SPEG: variants seen among roughly 807,000 people sequenced by gnomAD.
The protein encoded by SPEG is striated muscle preferentially expressed protein kinase.
SPEG carries 114 observed loss-of-function variants against 300.4 expected under a neutral mutation model. That is an observed-to-expected ratio of 0.38 (90% CI 0.33 to 0.44). SPEG has a LOEUF of 0.44. Among genes scored for constraint, SPEG ranks in the 20% least tolerant of loss-of-function variants. The pLI, the probability that SPEG is intolerant of heterozygous loss-of-function variation, is 1.00. For synonymous variants in SPEG, 1,964 were observed against 2,018.9 expected, an observed-to-expected ratio of 0.97 and a Z score of 0.73; for missense variants, 4,201 against 4,586.2, an observed-to-expected ratio of 0.92 and a Z score of 2.43.
At chr2:219,449,377 G>T in intron 4 of SPEG, 106 bp downstream of exon 4, 1 of 907,614 alleles carries the variant, frequency 1.1e-6, no homozygotes, top group Non-Finnish European at 1.5e-6. Flanking sequence ...GTTTCGCCTG[G>T]GGCTGCTAGC....
In SPEG at chr2:219,489,323, C is replaced by T. The variant is rs1188643723; in HGVS notation, c.8318-13C>T. The T allele has an allele frequency of 1.2e-6, 2 of 1,613,462 alleles. No individual in the cohort carries two copies. The highest frequency in any genetic ancestry group is 1.7e-6 in the Non-Finnish European group (2 of 1,179,794). ...CCCAAGGCACCACGGTGATGATTTT[C>T]TCTCTCTCTTAGATTCTTCAGCTGT... On this transcript the variant is annotated splice_polypyrimidine_tract_variant and intron_variant, in intron 35 of 40. Coordinates refer to ENST00000312358, the MANE Select transcript of SPEG (RefSeq NM_005876.5).
chr2:219,486,413 C>G (rs565862103), intron 31 of SPEG, among the ~76,000 whole-genome samples: 1 of 152,110 alleles, frequency 6.6e-6, no homozygotes, highest in South Asian at 2.1e-4. Context: ...GAGTGGCTGT[C>G]GAGTCTTGCC....
rs1691054472 is a variant in SPEG, at chr2:219,464,388, A to G, written c.2706-45A>G. On this transcript the variant is annotated intron_variant, in intron 8 of 40. Coordinates refer to ENST00000312358, the MANE Select transcript of SPEG (RefSeq NM_005876.5). The surrounding 1 kb of genome is among the most constrained non-coding windows in gnomAD (Gnocchi z 4.5). ...GCAGCCCCAGTTCCTGTGCACGCAC[A>G]TCAGGCCCCTGGGCCCTGGGACTGA... 6.4e-7 allele frequency: 1 copy of G among 1,573,482 alleles called. No homozygotes were observed. The highest frequency in any genetic ancestry group is 8.6e-7 in the Non-Finnish European group (1 of 1,162,046).
In SPEG at chr2:219,473,541, A is replaced by G. The variant is rs762025998; in HGVS notation, c.4185A>G (p.Lys1395=). ...TLEEAPAMLD[K]PDIVYVVEGQ... ...AGGAGGCCCCTGCCATGCTGGACAA[A>G]CCAGACATCGTGTATGTGGTGGAGG... is the stretch of plus-strand genomic sequence containing the variant. The change falls in exon 17 of 41, where the codon AAA becomes AAG. Residue 1395 remains lysine, a synonymous_variant. Coordinates refer to ENST00000312358, the MANE Select transcript of SPEG (RefSeq NM_005876.5). The surrounding 1 kb of genome is among the most constrained non-coding windows in gnomAD (Gnocchi z 4.6). 3.0e-5 allele frequency: 48 copies of G among 1,613,956 alleles called. No homozygotes were observed. Among genetic ancestry groups the G allele is most frequent in the Non-Finnish European group, 3.8e-5 (45 of 1,180,024 alleles).
In SPEG at chr2:219,485,418, C is replaced by G; in HGVS notation, c.7682C>G (p.Pro2561Arg). The G allele has an allele frequency of 6.2e-7, 1 of 1,606,652 alleles. No individual in the cohort carries two copies. Among genetic ancestry groups the G allele is most frequent in the Non-Finnish European group, 8.5e-7 (1 of 1,176,322 alleles). Residue 2561 changes from proline (P) to arginine (R), a missense_variant, in exon 31 of 41, where the codon CCA becomes CGA. By Grantham distance (103) the Pro-to-Arg change is moderately radical. Coordinates refer to ENST00000312358, the MANE Select transcript of SPEG (RefSeq NM_005876.5). ...RPRKDKGLSP[P>R]NLSASVQEEL... ...CGGAAGGACAAGGGGTTATCGCCAC[C>G]AAACCTCTCTGCCAGCGTCCAGGAG...
chr2:219,492,202 C>T lies in SPEG; in HGVS notation c.9553C>T (p.Pro3185Ser). 6.2e-7 allele frequency: 1 copy of T among 1,613,708 alleles called. No homozygotes were observed. The highest frequency in any genetic ancestry group is 8.5e-7 in the Non-Finnish European group (1 of 1,179,910). ...GGRFDAFQLYPNTSQSATLFL... is the reference protein window; with the variant it reads ...GGRFDAFQLYSNTSQSATLFL... ...CCGCTTTGATGCCTTCCAGCTGTAC[C>T]CCAATACATCCCAGAGCGCCACCCT... is the stretch of plus-strand genomic sequence containing the variant. The change falls in exon 40 of 41, where the codon CCC (proline) becomes TCC (serine). Residue 3185 changes from proline (P) to serine (S), a missense_variant. Coordinates refer to ENST00000312358, the MANE Select transcript of SPEG (RefSeq NM_005876.5).
Position 219,481,367 on chromosome 2 carries a change from C to A in SPEG, c.5433C>A (p.Asn1811Lys). 6.2e-7 allele frequency: 1 copy of A among 1,614,172 alleles called. No individual in the cohort carries two copies. Among genetic ancestry groups the A allele is most frequent in the Non-Finnish European group, 8.5e-7 (1 of 1,180,030 alleles). The change falls in exon 27 of 41, where the codon AAC (asparagine) becomes AAA (lysine). Residue 1811 changes from asparagine to lysine, a missense_variant. By Grantham distance (94) the Asn-to-Lys change is moderately conservative. Coordinates refer to ENST00000312358, the MANE Select transcript of SPEG (RefSeq NM_005876.5). This position sits in a 1 kb window ranked among gnomAD's most constrained non-coding sequence, Gnocchi z 5.4. ...NDRTTLMNIRNYNVAFEETTF... is the reference protein window; with the variant it reads ...NDRTTLMNIRKYNVAFEETTF... ...GGACAACATTGATGAACATCCGAAA[C>A]TACAACGTGGCCTTCGAGGAGACCA...
chr2:219,479,224 GC>G lies in SPEG; in HGVS notation c.5085+25del. On this transcript the variant is annotated intron_variant, in intron 23 of 40. Coordinates refer to ENST00000312358, the MANE Select transcript of SPEG (RefSeq NM_005876.5). This position sits in a 1 kb window ranked among gnomAD's most constrained non-coding sequence, Gnocchi z 5.5. ...GAGGTGAGGGCAGTGGGTGGCAGGG[GC>G]CAGGTTGGGCACCAGCCTTCACCCA... 1 of 1,607,658 alleles carries G rather than the reference GC, an allele frequency of 6.2e-7. No individual in the cohort carries two copies. Among genetic ancestry groups the G allele is most frequent in the Non-Finnish European group, 8.5e-7 (1 of 1,175,332 alleles).
At position 219,483,325 on chromosome 2, in the gene SPEG, C is replaced by T. The variant is rs549384541; in HGVS notation, c.5862C>T (p.Pro1954=). 3 of 1,606,442 alleles carry T rather than the reference C, an allele frequency of 1.9e-6. No homozygotes were observed. The highest frequency in any genetic ancestry group is 2.2e-5 in the South Asian group (2 of 90,108). ...CCCGGGTGTCCCTCACAGACATTCC[C>T]ACTGAGGATGAGGCCCTGGGGACCC... The part of the protein sequence containing the change: ...SGSRVSLTDI[P]TEDEALGTPE... Residue 1954 remains proline (P), a synonymous_variant, in exon 30 of 41, where the codon CCC becomes CCT. Transcript: ENST00000312358.
Position 219,490,456 on chromosome 2 carries a change from G to A in SPEG, c.8969G>A (p.Arg2990Gln), listed in dbSNP as rs781183129. ...GCGTGCCGGGAGAATGCCACGGGGC[G>A]AACGTTCGTGGCCAAGATCGTGCCC... is the stretch of plus-strand genomic sequence containing the variant. ...VRACRENATGRTFVAKIVPYA... is the reference protein window; with the variant it reads ...VRACRENATGQTFVAKIVPYA... The change falls in exon 37 of 41, where the codon CGA becomes CAA. Residue 2990 changes from arginine (R) to glutamine (Q), a missense_variant. Transcript: ENST00000312358. The A allele has an allele frequency of 4.3e-6, 7 of 1,613,116 alleles. No homozygotes were observed. The highest frequency in any genetic ancestry group is 2.2e-5 in the East Asian group (1 of 44,890).
rs1411057448 is a variant in SPEG, at chr2:219,469,011, T to C, written c.3454T>C (p.Tyr1152His). The C allele has an allele frequency of 6.2e-7, 1 of 1,613,346 alleles. No homozygotes were observed. The highest frequency in any genetic ancestry group is 8.5e-7 in the Non-Finnish European group (1 of 1,179,816). The change falls in exon 12 of 41, where the codon TAT (tyrosine) becomes CAT (histidine). Residue 1152 changes from tyrosine (Y) to histidine (H), a missense_variant. By Grantham distance (83) the Tyr-to-His change is moderately conservative. Transcript: ENST00000312358. ...CCAGGCCCACTGCTCAGCCCAGCTG[T>C]ATGTAGAAGAGCCCCGGACAGCCGC... ...HGQAHCSAQL[Y>H]VEEPRTAASG... is the part of the protein sequence containing the mutation.
Position 219,461,922 on chromosome 2 carries a change from C to T in SPEG, c.2481C>T (p.Asp827=), listed in dbSNP as rs563909411. Residue 827 remains aspartate (D), a synonymous_variant, in exon 7 of 41, where the codon GAC becomes GAT. Coordinates refer to ENST00000312358, the MANE Select transcript of SPEG (RefSeq NM_005876.5). The part of the protein sequence containing the change: ...TSPFSSPITS[D]EEYLSPPEEF... ...CTTTCAGCAGCCCCATCACCTCCGA[C>T]GAGGAATACCTGAGCCCCCCAGAGG... is the stretch of plus-strand genomic sequence containing the variant. 21 of 1,613,888 alleles carry T rather than the reference C, an allele frequency of 1.3e-5. No homozygotes were observed. The highest frequency in any genetic ancestry group is 2.2e-5 in the South Asian group (2 of 91,070).
Position 219,479,615 on chromosome 2 carries a change from C to T in SPEG, c.5086-168C>T, listed in dbSNP as rs759072367. Among the ~76,000 whole-genome samples the T allele has an allele frequency of 2.0e-5, 3 of 152,210 alleles. No homozygotes were observed. The highest frequency in any genetic ancestry group is 2.9e-5 in the Non-Finnish European group (2 of 68,040). The stretch of plus-strand genomic sequence containing the variant: ...CTCCCTATAATTGTGCTGTACCCTC[C>T]GGTGCATATGGTAGCCTTGGATCTT... On this transcript the variant is annotated intron_variant, in intron 23 of 40. Transcript: ENST00000312358. The surrounding 1 kb of genome is among the most constrained non-coding windows in gnomAD (Gnocchi z 5.5).
Position 219,493,569 on chromosome 2 carries a change from C to T in SPEG, c.*783C>T, listed in dbSNP as rs1248853813. ...CTACTGCCCATGTTGTCCTGACCAT[C>T]CCTCCCAGCCATCCAGCTGTCTGTC... On this transcript the variant is annotated 3_prime_UTR_variant, in exon 41 of 41. Coordinates refer to ENST00000312358, the MANE Select transcript of SPEG (RefSeq NM_005876.5). The T allele has an allele frequency of 4.3e-6, 2 of 465,964 alleles. No individual in the cohort carries two copies. The highest frequency in any genetic ancestry group is 8.7e-6 in the Non-Finnish European group (2 of 230,956). The allele number at this position is 465,964 out of a possible 1,614,324, so 28.9% of individuals were successfully genotyped here.
intron 1 of SPEG, chr2:219,441,605 G>A (rs540518549): frequency 6.4e-6 from 3 of 470,576 alleles, no homozygotes; most frequent in Admixed American, 4.7e-5. Flanking sequence ...GTGAGGGTGG[G>A]AGGAGGCTGC....
chr2:219,466,279 C>T, intron 9 of SPEG: 2 of 1,425,736 alleles, frequency 1.4e-6, no homozygotes, highest in Non-Finnish European at 1.8e-6. Context: ...GGACACATGG[C>T]TGTGCAGGCC....
Position 219,444,684 on chromosome 2 carries a change from T to C in SPEG, c.420T>C (p.Asp140=). The stretch of plus-strand genomic sequence containing the variant: ...AGACGGCTGAGGATGACATCAGCGA[T>C]GTGCAGGGAACCCAGCGCCTGGAGC... ...DSETAEDDIS[D]VQGTQRLELR... The change falls in exon 2 of 41, where the codon GAT becomes GAC. Residue 140 remains aspartate, a synonymous_variant. Transcript: ENST00000312358. This position sits in a 1 kb window ranked among gnomAD's most constrained non-coding sequence, Gnocchi z 7.8. 1.2e-6 allele frequency: 2 copies of C among 1,613,988 alleles called. No homozygotes were observed. Among genetic ancestry groups the C allele is most frequent in the Non-Finnish European group, 1.7e-6 (2 of 1,179,936 alleles).
rs376367804 is a variant in SPEG at position 219,472,998 on chromosome 2, G to T, written c.4049G>T (p.Arg1350Leu). Residue 1350 changes from arginine to leucine, a missense_variant, in exon 16 of 41, where the codon CGT becomes CTT. By Grantham distance (102) the Arg-to-Leu change is moderately radical. Around this residue, in one of 4 missense-constraint regions of SPEG, gnomAD observed 1,047 missense variants for 1,356.8 expected, o/e 0.77. Transcript: ENST00000312358. ...CCAGGGTGGGCAGCCACAGGGCTGC[G>T]TAAGGGGGTCCAGCACATCTTCCGG... ...REPGWAATGL[R>L]KGVQHIFRVL... 1 of 1,613,904 alleles carries T rather than the reference G, an allele frequency of 6.2e-7. No homozygotes were observed. The highest frequency in any genetic ancestry group is 1.3e-5 in the African/African-American group (1 of 74,932).
At chr2:219,482,996 C>T (rs1180223453) in intron 29 of SPEG, 102 bp from the exon 30 acceptor site, 11 of 1,433,656 alleles carry the variant, frequency 7.7e-6, no homozygotes, top group Non-Finnish European at 9.6e-6. Context: ...GTTCCCTGAC[C>T]CTCTGCATGC....
Sources: allele counts gnomAD v4.1 joint callset (sites outside exome capture counted in the v4.1 genomes callset), GRCh38; gene constraint gnomAD v4.1.1; regional missense constraint gnomAD v4.1.1; non-coding constraint Gnocchi (gnomAD v3.1); transcripts MANE v1.5; gene names NCBI Gene and HGNC (gene_info 2026-07-23, HGNC 2026-07-21).